The following LDLRAD4 variants were observed in gnomAD, a reference collection of about 807,000 sequenced individuals.
LDLRAD4 encodes low-density lipoprotein receptor class A domain-containing protein 4.
A neutral mutation model predicts 17.0 loss-of-function variants in LDLRAD4; 5 were observed. That is an observed-to-expected ratio of 0.29 (90% CI 0.15 to 0.62). LDLRAD4 has a LOEUF of 0.62. Ranked by LOEUF, LDLRAD4 falls within the 20% of genes least tolerant of loss-of-function variation. LDLRAD4 has a pLI of 0.84. For synonymous variants in LDLRAD4, 168 were observed against 171.8 expected, an observed-to-expected ratio of 0.98 and a Z score of 0.17; for missense variants, 340 against 424.7, an observed-to-expected ratio of 0.80 and a Z score of 1.75.
chr18:13,370,421 G>A (rs952914880), intron 1 of LDLRAD4, among the ~76,000 whole-genome samples: 7 of 152,202 alleles, frequency 4.6e-5, no homozygotes, highest in Non-Finnish European at 1.0e-4. Context: ...TGGACCTGTG[G>A]AACCACATCT....
At chr18:13,296,315 C>G (rs2046273766) in intron 1 of LDLRAD4, among the ~76,000 whole-genome samples, 1 of 152,220 alleles carries the variant, frequency 6.6e-6, no homozygotes, top group Non-Finnish European at 1.5e-5. Context: ...TCTGCTAGGG[C>G]TGTCCTAACA....
intron 3 of LDLRAD4, among the ~76,000 whole-genome samples, chr18:13,547,705 C>T (rs866278782): frequency 1.6e-4 from 24 of 152,226 alleles, no homozygotes; most frequent in South Asian, 1.2e-3. Flanking sequence ...CTGTGGACAC[C>T]GGGGAAGATG....
At chr18:13,227,645 GT>G (rs1159878505) in intron 1 of LDLRAD4, among the ~76,000 whole-genome samples, 1 of 152,216 alleles carries the variant, frequency 6.6e-6, no homozygotes, top group Non-Finnish European at 1.5e-5. Context: ...ACAGTTCCAC[GT>G]GGCTGAGGAG....
chr18:13,553,385 G>A (rs999001619), intron 3 of LDLRAD4, among the ~76,000 whole-genome samples: 1 of 152,132 alleles, frequency 6.6e-6, no homozygotes, highest in African/African-American at 2.4e-5. Context: ...ACAGAAAAAC[G>A]TCTGAAGATG....
At chr18:13,521,289 A>G (rs190896824) in intron 3 of LDLRAD4, 13 of 152,172 alleles carry the variant, frequency 8.5e-5, no homozygotes, top group Non-Finnish European at 1.9e-4. Flanking sequence ...TGTTTGCAAA[A>G]TTTGGTTGAG....
At chr18:13,264,474 A>T (rs7242081) in intron 1 of LDLRAD4, among the ~76,000 whole-genome samples, 1 of 152,270 alleles carries the variant, frequency 6.6e-6, no homozygotes, top group African/African-American at 2.4e-5. Context: ...ATTCAATTCC[A>T]CAGTGTCCCT....
At chr18:13,623,791 G>C (rs899734690) in intron 4 of LDLRAD4, among the ~76,000 whole-genome samples, 2 of 152,128 alleles carry the variant, frequency 1.3e-5, no homozygotes, top group African/African-American at 4.8e-5. Context: ...TCTGCCCTGA[G>C]GGTCCCCTAA....
At chr18:13,457,438 G>T in intron 3 of LDLRAD4, among the ~76,000 whole-genome samples, 1 of 152,288 alleles carries the variant, frequency 6.6e-6, no homozygotes, top group East Asian at 1.9e-4. Flanking sequence ...TTTTATGGGC[G>T]CTTCTTGATG....
At chr18:13,456,334 T>C (rs2092131706) in intron 3 of LDLRAD4, among the ~76,000 whole-genome samples, 1 of 152,210 alleles carries the variant, frequency 6.6e-6, no homozygotes, top group Admixed American at 6.5e-5. Context: ...TGCCCCTTCC[T>C]GACCGGGGTG....
At chr18:13,650,469 G>A in exon 6 of LDLRAD4, 1 of 397,812 alleles carries the variant, frequency 2.5e-6, no homozygotes. Context: ...CCCCTATCAT[G>A]TCAGAGATCT....
chr18:13,524,658 TA>T (rs1256487220), intron 3 of LDLRAD4, among the ~76,000 whole-genome samples: 1 of 152,228 alleles, frequency 6.6e-6, no homozygotes, highest in East Asian at 1.9e-4. Flanking sequence ...CACTTTCACC[TA>T]TCTTTGCTCC....
At chr18:13,243,880 C>T (rs2042809481) in intron 1 of LDLRAD4, among the ~76,000 whole-genome samples, 1 of 149,184 alleles carries the variant, frequency 6.7e-6, no homozygotes, top group Non-Finnish European at 1.5e-5. Context: ...TCCACCCGCC[C>T]ACCCACTCAT....
chr18:13,321,773 A>G (rs1370070387), intron 1 of LDLRAD4, among the ~76,000 whole-genome samples: 4 of 146,510 alleles, frequency 2.7e-5, no homozygotes, highest in African/African-American at 5.0e-5. Flanking sequence ...AGGCAGGACA[A>G]TTGCTGGAAC....
chr18:13,624,566 T>G (rs2040947358), intron 4 of LDLRAD4, among the ~76,000 whole-genome samples: 1 of 152,270 alleles, frequency 6.6e-6, no homozygotes, highest in Middle Eastern at 3.4e-3. Flanking sequence ...GCCTTTGGGA[T>G]GGGGGAGTGT....
intron 1 of LDLRAD4, among the ~76,000 whole-genome samples, chr18:13,378,716 C>T (rs1196727436): frequency 6.6e-6 from 1 of 152,144 alleles, no homozygotes; most frequent in Admixed American, 6.5e-5. Context: ...ACATTTCATA[C>T]CAAAAACCTC....
rs138937187 is a variant in LDLRAD4 at position 13,237,143 on chromosome 18, G to A, written c.-467+18155G>A. On this transcript the variant is annotated intron_variant, in intron 1 of 5. Coordinates refer to the LDLRAD4 transcript ENST00000399848. ...CTGGAGGCCAGCTTGCTCTTGTTCT[G>A]GGCTGTGGCCTTTGGCCAGTCCGAG... Among the ~76,000 whole-genome samples, 882 of 152,310 alleles carry A rather than the reference G, an allele frequency of 5.8e-3. 4 individuals are homozygous for A. The highest frequency in any genetic ancestry group is 0.01 in the Middle Eastern group (3 of 294).
chr18:13,264,620 T>C (rs1034188184), intron 1 of LDLRAD4, among the ~76,000 whole-genome samples: 8 of 152,250 alleles, frequency 5.3e-5, no homozygotes, highest in East Asian at 1.9e-4. Context: ...TTCCTTCCCA[T>C]GTGGGACTGC....
rs970968173 is a variant in LDLRAD4, at chr18:13,539,626, A to G, written c.182-81491A>G. ...ACTGTTGTGATATTTGTGCTTTCTT[A>G]TTTGCCCAAATGGGAGAAGCAAATG... On this transcript the variant is annotated intron_variant, in intron 3 of 5. Coordinates refer to ENST00000359446, the Ensembl canonical transcript of LDLRAD4. 1.2e-3 allele frequency among the ~76,000 whole-genome samples: 176 copies of G among 151,270 alleles called. 2 individuals carry two copies. Among genetic ancestry groups the G allele is most frequent in the Non-Finnish European group, 1.0e-4 (7 of 67,842 alleles).
chr18:13,328,632 T>C (rs922902196), intron 1 of LDLRAD4, among the ~76,000 whole-genome samples: 2 of 152,236 alleles, frequency 1.3e-5, no homozygotes, highest in Non-Finnish European at 2.9e-5. Context: ...GCGTCAACTT[T>C]GTATAAGGCT....
Sources: gnomAD v4.1 joint callset for allele counts (sites outside exome capture counted in the v4.1 genomes callset) on GRCh38, gnomAD v4.1.1 for gene constraint, MANE v1.5 for transcripts, NCBI Gene and HGNC (gene_info 2026-07-23, HGNC 2026-07-21) for gene names.